The following MICU1 variants were observed in gnomAD, a reference collection of about 807,000 sequenced individuals.
MICU1 encodes mitochondrial calcium uptake 1.
A neutral mutation model predicts 56.8 loss-of-function variants in MICU1; 45 were observed. That is an observed-to-expected ratio of 0.79 (90% CI 0.62 to 1.02). The LOEUF (loss-of-function observed/expected upper bound fraction) is 1.02, where lower values mean the gene tolerates loss of function less well. Among genes scored for constraint, MICU1 ranks in the 50% least tolerant of loss-of-function variants. The pLI is 0.00. For synonymous variants in MICU1, 186 were observed against 195.1 expected, an observed-to-expected ratio of 0.95 and a Z score of 0.39; for missense variants, 504 against 587.1, an observed-to-expected ratio of 0.86 and a Z score of 1.46.
chr10:72,437,176 C>G (rs1864758261), intron 8 of MICU1, among the ~76,000 whole-genome samples: 1 of 152,082 alleles, frequency 6.6e-6, no homozygotes, highest in Non-Finnish European at 1.5e-5. Flanking sequence ...AAAGGGAGAC[C>G]CATCAGACTA....
chr10:72,442,718 G>A (rs148386417), intron 8 of MICU1, among the ~76,000 whole-genome samples: 96 of 152,208 alleles, frequency 6.3e-4, no homozygotes, highest in African/African-American at 2.2e-3. Context: ...ATTACAGTAG[G>A]TAAGGTCTAG....
At chr10:72,457,280 C>T (rs891878526) in intron 8 of MICU1, among the ~76,000 whole-genome samples, 1 of 148,460 alleles carries the variant, frequency 6.7e-6, no homozygotes, top group Non-Finnish European at 1.5e-5. Context: ...GTGCAGGGCG[C>T]AATCACAGCT....
At chr10:72,565,760 G>C (rs1189321857) in intron 2 of MICU1, among the ~76,000 whole-genome samples, 2 of 152,242 alleles carry the variant, frequency 1.3e-5, no homozygotes, top group African/African-American at 2.4e-5. Flanking sequence ...GTTGCAGTAA[G>C]CTGAGATCAT....
At chr10:72,616,021 A>G (rs1374947533) in intron 1 of MICU1, among the ~76,000 whole-genome samples, 1 of 152,112 alleles carries the variant, frequency 6.6e-6, no homozygotes, top group Non-Finnish European at 1.5e-5. Flanking sequence ...AAAAAAAAAC[A>G]TGTTCAATCT....
chr10:72,576,304 G>A (rs1278920944), intron 1 of MICU1, among the ~76,000 whole-genome samples: 1 of 146,504 alleles, frequency 6.8e-6, no homozygotes, highest in African/African-American at 2.5e-5. Context: ...GGCCAAGATA[G>A]GCCAAAAGTT....
chr10:72,557,550 T>C (rs1287437935), intron 3 of MICU1, among the ~76,000 whole-genome samples: 1 of 152,192 alleles, frequency 6.6e-6, no homozygotes, highest in African/African-American at 2.4e-5. Context: ...AACAAAGTCT[T>C]GTGACCAGAA....
chr10:72,507,360 A>G (rs1301996007), intron 6 of MICU1, among the ~76,000 whole-genome samples: 2 of 152,200 alleles, frequency 1.3e-5, no homozygotes, highest in Non-Finnish European at 2.9e-5. Context: ...TAATCAACAA[A>G]GCTATTGATA....
chr10:72,610,889 T>C (rs1589389087), intron 1 of MICU1, among the ~76,000 whole-genome samples: 1 of 152,290 alleles, frequency 6.6e-6, no homozygotes, highest in East Asian at 1.9e-4. Flanking sequence ...ACCTTGTATT[T>C]CTATTTTACT....
chr10:72,492,289 A>C (rs1452650701), intron 6 of MICU1, among the ~76,000 whole-genome samples: 1 of 152,126 alleles, frequency 6.6e-6, no homozygotes, highest in Non-Finnish European at 1.5e-5. Context: ...CTAGAAAAGC[A>C]AGGGGGAAAA....
intron 1 of MICU1, among the ~76,000 whole-genome samples, chr10:72,619,526 T>A (rs1389221931): frequency 2.0e-5 from 3 of 152,188 alleles, no homozygotes; most frequent in Non-Finnish European, 4.4e-5. Context: ...GCTTACATAT[T>A]TGTGACAAAG....
At chr10:72,410,117 G>A (rs1174873801) in intron 9 of MICU1, among the ~76,000 whole-genome samples, 2 of 152,146 alleles carry the variant, frequency 1.3e-5, no homozygotes, top group South Asian at 2.1e-4. Context: ...ATGGAATTAT[G>A]CAGTAGGCAT....
intron 6 of MICU1, among the ~76,000 whole-genome samples, chr10:72,506,871 C>T (rs985480170): frequency 6.6e-6 from 1 of 152,114 alleles, no homozygotes; most frequent in Admixed American, 6.5e-5. Flanking sequence ...ATTTTCATAA[C>T]AAATCAATGT....
chr10:72,459,550 T>C (rs1284711694), intron 8 of MICU1, among the ~76,000 whole-genome samples: 1 of 152,178 alleles, frequency 6.6e-6, no homozygotes, highest in African/African-American at 2.4e-5. Flanking sequence ...AGACCCATCC[T>C]TCTGATCTCT....
chr10:72,595,892 A>G (rs1211101576), intron 1 of MICU1, among the ~76,000 whole-genome samples: 1 of 152,154 alleles, frequency 6.6e-6, no homozygotes, highest in African/African-American at 2.4e-5. Flanking sequence ...CACTTGGGGA[A>G]GCTGAGGAGG....
intron 8 of MICU1, among the ~76,000 whole-genome samples, chr10:72,463,708 T>C (rs188744677): frequency 7.6e-4 from 115 of 152,300 alleles, no homozygotes; most frequent in African/African-American, 2.7e-3. Flanking sequence ...CTAGTGATGT[T>C]GTGAGGTTGC....
chr10:72,477,308 C>T (rs1866155329), intron 6 of MICU1, 52 bp from the exon 7 acceptor site: 4 of 1,403,282 alleles, frequency 2.9e-6, no homozygotes, highest in Middle Eastern at 2.2e-4. Flanking sequence ...AAAATAAATC[C>T]CTTTTTAAAG....
chr10:72,475,921 T>C (rs970279025), intron 7 of MICU1: 41 of 456,250 alleles, frequency 9.0e-5, no homozygotes, highest in South Asian at 5.7e-4. Context: ...AACATTTGTT[T>C]TGGAGACTCA....
chr10:72,547,162 G>C (rs1445053333), intron 4 of MICU1, among the ~76,000 whole-genome samples: 4 of 151,490 alleles, frequency 2.6e-5, no homozygotes, highest in Non-Finnish European at 5.9e-5. Flanking sequence ...CAAAGTGCTG[G>C]GATTACAGGT....
chr10:72,454,570 G>T (rs1180364961), intron 8 of MICU1, among the ~76,000 whole-genome samples: 9 of 151,970 alleles, frequency 5.9e-5, no homozygotes, highest in Non-Finnish European at 1.5e-5. Flanking sequence ...ACCACCTGAG[G>T]TCAGGAGTTT....
Sources: allele counts gnomAD v4.1 joint callset (sites outside exome capture counted in the v4.1 genomes callset), GRCh38; gene constraint gnomAD v4.1.1; transcripts MANE v1.5; gene names NCBI Gene and HGNC (gene_info 2026-07-23, HGNC 2026-07-21).